CDH8: variants seen among roughly 807,000 people sequenced by gnomAD.
The protein encoded by CDH8 is cadherin-8.
CDH8 carries 17 observed loss-of-function variants against 68.1 expected under a neutral mutation model. That is an observed-to-expected ratio of 0.25 (90% CI 0.17 to 0.37). CDH8 has a LOEUF of 0.37. Ranked by LOEUF, CDH8 falls within the 10% of genes least tolerant of loss-of-function variation. The pLI is 1.00. For missense variants in CDH8, 763 were observed against 999.3 expected, an observed-to-expected ratio of 0.76 and a Z score of 3.19; for synonymous variants, 372 against 365.1, an observed-to-expected ratio of 1.02 and a Z score of -0.21.
chr16:61,758,750 A>G (rs2142963442), intron 8 of CDH8, among the ~76,000 whole-genome samples: 1 of 152,304 alleles, frequency 6.6e-6, no homozygotes, highest in South Asian at 2.1e-4. Context: ...GAGAAAAATA[A>G]TTCTCAAATT....
chr16:62,033,193 T>C (rs1902369472), intron 1 of CDH8, among the ~76,000 whole-genome samples: 1 of 152,218 alleles, frequency 6.6e-6, no homozygotes, highest in Non-Finnish European at 1.5e-5. Flanking sequence ...TTGTTTGTTT[T>C]GTTTTACATC....
intron 8 of CDH8, among the ~76,000 whole-genome samples, chr16:61,752,866 A>G (rs1205407206): frequency 1.3e-5 from 2 of 152,224 alleles, no homozygotes; most frequent in Non-Finnish European, 2.9e-5. Flanking sequence ...TACACAAATA[A>G]CAATAACTAT....
chr16:61,906,355 G>A (rs991875274), intron 2 of CDH8, among the ~76,000 whole-genome samples: 4 of 152,138 alleles, frequency 2.6e-5, no homozygotes, highest in African/African-American at 4.8e-5. Flanking sequence ...GATCTGGCAC[G>A]TTTACAACCA....
rs1963384118 is a variant in CDH8, at chr16:61,653,895, G to T, written c.2113C>A (p.Gln705Lys). The change falls in exon 12 of 12, where the codon CAG becomes AAG. Residue 705 changes from glutamine to lysine, a missense_variant. By Grantham distance (53) the Gln-to-Lys change is moderately conservative. This residue lies in a region of CDH8 where 397 missense variants were observed against 436.2 expected (regional missense o/e 0.91). Coordinates refer to ENST00000577390, the MANE Select transcript of CDH8 (RefSeq NM_001796.5). ...GCAAGCCCTTGCCTTGGCATAAACT[G>T]CAAATCTGGTTTAATATCCTTACGG... Reference protein sequence around the residue: ...LPRKDIKPDLQFMPRQGLAPV... With the variant: ...LPRKDIKPDLKFMPRQGLAPV... 1 of 1,614,018 alleles carries T rather than the reference G, an allele frequency of 6.2e-7. No homozygotes were observed. The highest frequency in any genetic ancestry group is 1.7e-5 in the Admixed American group (1 of 60,002).
At position 61,651,524 on chromosome 16, in the gene CDH8, A is replaced by C. The variant is rs927033475; in HGVS notation, c.*2084T>G. ...GGTGCGTTCAGCTTTTGAGTCAAAAACCGTTCTCTTCTTAGCAGCCCCGCA... is the reference window on the plus strand; with the variant it reads ...GGTGCGTTCAGCTTTTGAGTCAAAACCCGTTCTCTTCTTAGCAGCCCCGCA... On this transcript the variant is annotated 3_prime_UTR_variant, in exon 12 of 12. Transcript: ENST00000577390. 1.3e-5 allele frequency: 2 copies of C among 152,052 alleles called. No homozygotes were observed. The highest frequency in any genetic ancestry group is 2.9e-5 in the Non-Finnish European group (2 of 68,004). The allele number at this position is 152,052 out of a possible 1,614,324, so 9.4% of individuals were successfully genotyped here. A position where few individuals can be genotyped will look rare whatever the true frequency, so the allele number is the denominator to read the frequency against.
At chr16:61,963,265 T>A (rs1229861102) in intron 2 of CDH8, among the ~76,000 whole-genome samples, 2 of 152,188 alleles carry the variant, frequency 1.3e-5, no homozygotes, top group African/African-American at 4.8e-5. Context: ...GTCCCTTCCA[T>A]GTCACCATGA....
chr16:61,660,400 A>G (rs1448296486), intron 10 of CDH8, among the ~76,000 whole-genome samples: 2 of 152,070 alleles, frequency 1.3e-5, no homozygotes, highest in African/African-American at 4.8e-5. Context: ...AACAATAAAG[A>G]GTACACAAAC....
chr16:61,791,337 A>C (rs1393393321), intron 7 of CDH8, among the ~76,000 whole-genome samples: 2 of 151,990 alleles, frequency 1.3e-5, no homozygotes, highest in Admixed American at 1.3e-4. Flanking sequence ...TGTATTATGG[A>C]AAGAAGACCA....
intron 2 of CDH8, among the ~76,000 whole-genome samples, chr16:61,926,152 G>GGGGTGT: frequency 7.0e-6 from 1 of 142,212 alleles, no homozygotes; most frequent in African/African-American, 2.6e-5. Context: ...ACTCAGAAGG[G>GGGGTGT]GTGTGTGTGT....
intron 3 of CDH8, among the ~76,000 whole-genome samples, chr16:61,885,616 G>C (rs1303477671): frequency 6.7e-6 from 1 of 149,524 alleles, no homozygotes; most frequent in Non-Finnish European, 1.5e-5. Context: ...ATTGTAACGT[G>C]TTACATATAC....
chr16:61,949,311 T>C (rs1964851333), intron 2 of CDH8, among the ~76,000 whole-genome samples: 2 of 152,062 alleles, frequency 1.3e-5, no homozygotes, highest in African/African-American at 4.8e-5. Flanking sequence ...CAGCACTCTG[T>C]GCTAGCTAAA....
intron 2 of CDH8, among the ~76,000 whole-genome samples, chr16:61,928,797 G>A (rs747172580): frequency 1.3e-5 from 2 of 152,150 alleles, no homozygotes; most frequent in Non-Finnish European, 2.9e-5. Context: ...ACACATTTGG[G>A]CCTAAAATGG....
chr16:62,034,238 C>A (rs1174159348), intron 1 of CDH8, among the ~76,000 whole-genome samples: 3 of 151,684 alleles, frequency 2.0e-5, no homozygotes, highest in East Asian at 3.9e-4. Context: ...GAAATCCCTG[C>A]AACACTGGAC....
chr16:62,033,553 A>G (rs1298308775), intron 1 of CDH8, among the ~76,000 whole-genome samples: 3 of 152,368 alleles, frequency 2.0e-5, no homozygotes, highest in South Asian at 2.1e-4. Flanking sequence ...ATAAAGCAGA[A>G]GCACTGATTT....
At chr16:61,788,172 A>G (rs1961284184) in intron 8 of CDH8, among the ~76,000 whole-genome samples, 1 of 151,952 alleles carries the variant, frequency 6.6e-6, no homozygotes, top group Non-Finnish European at 1.5e-5. Context: ...GGCTTGGTAG[A>G]GGACATTTTC....
chr16:61,900,171 G>T (rs957926121), intron 3 of CDH8, among the ~76,000 whole-genome samples: 2 of 151,930 alleles, frequency 1.3e-5, no homozygotes, highest in Non-Finnish European at 2.9e-5. Context: ...TTAATGTTAA[G>T]TTTGGGGGCT....
chr16:61,824,128 T>C (rs1962277262), intron 5 of CDH8, among the ~76,000 whole-genome samples: 1 of 151,650 alleles, frequency 6.6e-6, no homozygotes, highest in Admixed American at 6.6e-5. Context: ...TGCAACAACA[T>C]GAATGAACCT....
intron 4 of CDH8, among the ~76,000 whole-genome samples, chr16:61,855,266 A>C (rs372147202): frequency 2.6e-5 from 4 of 152,308 alleles, no homozygotes; most frequent in African/African-American, 9.6e-5. Flanking sequence ...GTAAATATTA[A>C]ATGTTGCTGA....
chr16:61,824,715 C>T (rs1425466065), intron 5 of CDH8, among the ~76,000 whole-genome samples: 1 of 151,992 alleles, frequency 6.6e-6, no homozygotes, highest in Middle Eastern at 3.4e-3. Flanking sequence ...TTGCATCACC[C>T]TCTCAAGCTT....
Sources: gnomAD v4.1 joint callset for allele counts (sites outside exome capture counted in the v4.1 genomes callset) on GRCh38, gnomAD v4.1.1 for gene constraint, gnomAD v4.1.1 regional missense constraint, MANE v1.5 for transcripts, NCBI Gene and HGNC (gene_info 2026-07-23, HGNC 2026-07-21) for gene names.